SDC2: variants seen among roughly 807,000 people sequenced by gnomAD.
The protein encoded by SDC2 is syndecan-2.
In SDC2, 13 loss-of-function variants were observed where a neutral mutation model predicts 22.2. The observed-to-expected ratio is 0.59, with a 90% CI of 0.38 to 0.93. SDC2 has a LOEUF of 0.93. Ranked by LOEUF, SDC2 falls within the 40% of genes least tolerant of loss-of-function variation. SDC2 has a pLI of 0.00. For missense variants in SDC2, 235 were observed against 246.8 expected, an observed-to-expected ratio of 0.95 and a Z score of 0.32; for synonymous variants, 94 against 92.8, an observed-to-expected ratio of 1.01 and a Z score of -0.07.
intron 1 of SDC2, among the ~76,000 whole-genome samples, chr8:96,583,350 T>C (rs1409523195): frequency 7.0e-6 from 1 of 143,862 alleles, no homozygotes; most frequent in Non-Finnish European, 1.5e-5. Flanking sequence ...ATAAAATATA[T>C]ATTATATATA....
At chr8:96,547,141 A>G (rs1181092760) in intron 1 of SDC2, among the ~76,000 whole-genome samples, 1 of 152,204 alleles carries the variant, frequency 6.6e-6, no homozygotes, top group Non-Finnish European at 1.5e-5. Context: ...TGTTGGATTG[A>G]ATGGTTTCAT....
intron 1 of SDC2, among the ~76,000 whole-genome samples, chr8:96,498,236 C>G (rs1813104242): frequency 6.6e-6 from 1 of 152,242 alleles, no homozygotes; most frequent in South Asian, 2.1e-4. Context: ...AGGCAGATAT[C>G]CCCCTGCCTT....
intron 1 of SDC2, among the ~76,000 whole-genome samples, chr8:96,553,073 A>G (rs1242587130): frequency 6.6e-6 from 1 of 152,226 alleles, no homozygotes; most frequent in East Asian, 1.9e-4. Flanking sequence ...CAGAAATCTG[A>G]CATTTATTTT....
chr8:96,519,200 T>C (rs1813455925), intron 1 of SDC2, among the ~76,000 whole-genome samples: 1 of 152,096 alleles, frequency 6.6e-6, no homozygotes, highest in Non-Finnish European at 1.5e-5. Context: ...CGACCCAGAG[T>C]GCCCAGAGTG....
chr8:96,543,570 C>T (rs1378529425), intron 1 of SDC2, among the ~76,000 whole-genome samples: 3 of 152,120 alleles, frequency 2.0e-5, no homozygotes, highest in Non-Finnish European at 4.4e-5. Context: ...AGCTGGTTTT[C>T]GGTGAAGGAG....
At chr8:96,516,299 G>A (rs150267894) in intron 1 of SDC2, among the ~76,000 whole-genome samples, 29 of 152,178 alleles carry the variant, frequency 1.9e-4, no homozygotes, top group African/African-American at 6.7e-4. Flanking sequence ...TCAAAACATA[G>A]CAAGCGTTAT....
intron 1 of SDC2, among the ~76,000 whole-genome samples, chr8:96,497,497 G>A (rs1286344640): frequency 6.6e-6 from 1 of 152,122 alleles, no homozygotes; most frequent in East Asian, 1.9e-4. Context: ...ACCACCCTTC[G>A]AGGGGTAGCC....
intron 1 of SDC2, among the ~76,000 whole-genome samples, chr8:96,520,990 TGCA>T (rs1813489104): frequency 1.3e-5 from 2 of 152,194 alleles, no homozygotes; most frequent in Non-Finnish European, 2.9e-5. Flanking sequence ...ATTTTGGAAC[TGCA>T]AGTGCCTTTT....
chr8:96,506,050 C>T (rs572378890), intron 1 of SDC2, among the ~76,000 whole-genome samples: 6 of 152,094 alleles, frequency 3.9e-5, no homozygotes, highest in African/African-American at 7.2e-5. Context: ...AAGAAGAACC[C>T]CTTGTAGAAG....
At chr8:96,552,423 T>C (rs1273645113) in intron 1 of SDC2, among the ~76,000 whole-genome samples, 1 of 152,218 alleles carries the variant, frequency 6.6e-6, no homozygotes, top group Non-Finnish European at 1.5e-5. Context: ...ACTGTGCGTT[T>C]GGCTGAATTC....
intron 1 of SDC2, among the ~76,000 whole-genome samples, chr8:96,549,009 C>A (rs1448969830): frequency 2.0e-5 from 3 of 152,216 alleles, no homozygotes; most frequent in Admixed American, 2.0e-4. Context: ...GTTGTGGAAA[C>A]TTCCCTCTTA....
intron 1 of SDC2, among the ~76,000 whole-genome samples, chr8:96,535,096 C>G (rs1327419658): frequency 6.6e-6 from 1 of 152,018 alleles, no homozygotes; most frequent in Non-Finnish European, 1.5e-5. Flanking sequence ...CTCCGCCTCC[C>G]AGGTCCCAGT....
chr8:96,512,223 C>T (rs967024162), intron 1 of SDC2, among the ~76,000 whole-genome samples: 2 of 152,180 alleles, frequency 1.3e-5, no homozygotes, highest in Admixed American at 6.5e-5. Flanking sequence ...TGGGTGGCCA[C>T]GTGCCCAACT....
chr8:96,555,973 C>T (rs1274877973), intron 1 of SDC2, among the ~76,000 whole-genome samples: 1 of 151,934 alleles, frequency 6.6e-6, no homozygotes, highest in Non-Finnish European at 1.5e-5. Flanking sequence ...AAAGCTACAC[C>T]TTTCAACTTC....
At chr8:96,536,347 G>T (rs1813754795) in intron 1 of SDC2, among the ~76,000 whole-genome samples, 2 of 151,914 alleles carry the variant, frequency 1.3e-5, no homozygotes, top group African/African-American at 2.4e-5. Context: ...TTGAGACAGG[G>T]TCTTGCTCTG....
intron 1 of SDC2, chr8:96,586,543 A>T (rs374300971): frequency 3.3e-5 from 5 of 152,378 alleles, no homozygotes; most frequent in Middle Eastern, 3.4e-3. Context: ...GGCACCTTCC[A>T]AGTAAGTGGT....
intron 3 of SDC2, among the ~76,000 whole-genome samples, chr8:96,607,262 C>A (rs1461015476): frequency 6.6e-6 from 1 of 152,086 alleles, no homozygotes; most frequent in African/African-American, 2.4e-5. Flanking sequence ...TGGGTGAGGA[C>A]TGGAAGCTAC....
chr8:96,547,190 T>G (rs1053247806), intron 1 of SDC2, among the ~76,000 whole-genome samples: 1 of 152,234 alleles, frequency 6.6e-6, no homozygotes, highest in Non-Finnish European at 1.5e-5. Context: ...TATTTTTAAT[T>G]TATTGTTATT....
At chr8:96,575,713 TGGGG>T (rs1227728557) in intron 1 of SDC2, among the ~76,000 whole-genome samples, 2 of 152,184 alleles carry the variant, frequency 1.3e-5, no homozygotes, top group African/African-American at 4.8e-5. Flanking sequence ...TTTTGTTTCC[TGGGG>T]GTAATATCTA....
Sources: allele counts gnomAD v4.1 joint callset (sites outside exome capture counted in the v4.1 genomes callset), GRCh38; gene constraint gnomAD v4.1.1; transcripts MANE v1.5; gene names NCBI Gene and HGNC (gene_info 2026-07-23, HGNC 2026-07-21).